Variants in FKBP5 observed in about 807,000 individuals in gnomAD.
The protein encoded by FKBP5 is peptidyl-prolyl cis-trans isomerase FKBP5.
Under a neutral mutation model 50.5 loss-of-function variants are expected in FKBP5, and 23 were observed. The ratio of observed to expected loss-of-function variants is 0.46; its 90% CI spans 0.33 to 0.65. The LOEUF (loss-of-function observed/expected upper bound fraction) is 0.65. Ranked by LOEUF, FKBP5 falls within the 30% of genes least tolerant of loss-of-function variation. The pLI is 0.02. For synonymous variants in FKBP5, 176 were observed against 190.6 expected (o/e 0.92, Z 0.63); for missense variants, 411 against 553.1 (o/e 0.74, Z 2.58).
Position 35,575,942 on chromosome 6 carries a change from C to T in FKBP5, c.1267G>A (p.Glu423Lys), listed in dbSNP as rs201040791. ...FKKFAEQDAKEEANKAMGKKT... is the reference protein window; with the variant it reads ...FKKFAEQDAKKEANKAMGKKT... Reference sequence around the variant, plus strand: ...TTGCCCATTGCTTTATTGGCCTCTTCCTAAGGAAGAAATAAGCAATCAAGA... The same window carrying T: ...TTGCCCATTGCTTTATTGGCCTCTTTCTAAGGAAGAAATAAGCAATCAAGA... Residue 423 changes from glutamate (E) to lysine (K), a missense_variant and splice_region_variant, in exon 11 of 11, where the codon GAA (glutamate) becomes AAA (lysine). By Grantham distance (56) the Glu-to-Lys change is moderately conservative. Transcript: ENST00000357266. 45 of 1,596,246 alleles carry T rather than the reference C, an allele frequency of 2.8e-5. No homozygotes were observed. In the Admixed American group the frequency reaches 6.7e-4, roughly 24 times the overall value.
At chr6:35,656,342 G>C (rs553562623) in intron 1 of FKBP5, among the ~76,000 whole-genome samples, 114 of 152,278 alleles carry the variant, frequency 7.5e-4, no homozygotes, top group African/African-American at 2.5e-3. Context: ...TCGGGGGTTA[G>C]ACTAGAATCA....
chr6:35,615,248 T>C (rs1338708663), intron 5 of FKBP5, among the ~76,000 whole-genome samples: 5 of 152,076 alleles, frequency 3.3e-5, no homozygotes, highest in Non-Finnish European at 7.4e-5. Flanking sequence ...ATATATTCTC[T>C]ATCTCTCTGT....
intron 1 of FKBP5, among the ~76,000 whole-genome samples, chr6:35,655,725 T>C (rs531278266): frequency 2.4e-4 from 37 of 152,342 alleles, no homozygotes; most frequent in African/African-American, 7.5e-4. Context: ...GCTAAGTATA[T>C]TCCTTCTCTA....
At chr6:35,710,477 AG>A (rs1016657500) in intron 2 of FKBP5, among the ~76,000 whole-genome samples, 3 of 152,028 alleles carry the variant, frequency 2.0e-5, no homozygotes, top group African/African-American at 4.8e-5. Context: ...AAAAAAAAAA[AG>A]GTGTGAAAAA....
chr6:35,643,088 T>C (rs576760602), intron 1 of FKBP5, among the ~76,000 whole-genome samples: 1 of 152,280 alleles, frequency 6.6e-6, no homozygotes, highest in South Asian at 2.1e-4. Flanking sequence ...ACAGTACAAG[T>C]CAAGTTGGGT....
At chr6:35,653,892 G>A (rs1581855820) in intron 1 of FKBP5, among the ~76,000 whole-genome samples, 1 of 151,666 alleles carries the variant, frequency 6.6e-6, no homozygotes, top group East Asian at 1.9e-4. Flanking sequence ...GATGGATAGT[G>A]GAAGAAATCA....
intron 1 of FKBP5, among the ~76,000 whole-genome samples, chr6:35,675,246 C>T (rs539316520): frequency 2.0e-5 from 3 of 152,330 alleles, no homozygotes; most frequent in South Asian, 2.1e-4. Context: ...AAGTCTTACA[C>T]GAGTCTATAC....
chr6:35,583,246 A>G (rs1224702770), intron 8 of FKBP5: 1 of 985,262 alleles, frequency 1.0e-6, no homozygotes, highest in East Asian at 1.1e-4. Flanking sequence ...TCCCTCTCTA[A>G]TGCATTGATT....
intron 1 of FKBP5, among the ~76,000 whole-genome samples, chr6:35,653,493 T>A (rs1764869124): frequency 6.6e-6 from 1 of 152,234 alleles, no homozygotes; most frequent in Admixed American, 6.5e-5. Flanking sequence ...TTAATGGAGT[T>A]ATCTTGAGAA....
chr6:35,580,952 C>A, intron 8 of FKBP5: 2 of 985,348 alleles, frequency 2.0e-6, no homozygotes, highest in Non-Finnish European at 2.4e-6. Context: ...TACATTCTGG[C>A]AAGTGCTAGT....
intron 2 of FKBP5, among the ~76,000 whole-genome samples, chr6:35,702,654 G>A (rs931436629): frequency 4.0e-5 from 6 of 151,754 alleles, no homozygotes; most frequent in African/African-American, 9.7e-5. Context: ...AGGTTTCACC[G>A]TGTTAGCCAG....
At chr6:35,604,165 G>A (rs769183993) in intron 5 of FKBP5, among the ~76,000 whole-genome samples, 61 of 149,776 alleles carry the variant, frequency 4.1e-4, no homozygotes, top group Non-Finnish European at 6.9e-4. Flanking sequence ...ACACCACCAC[G>A]CCTGGCTATT....
intron 1 of FKBP5, among the ~76,000 whole-genome samples, chr6:35,651,176 A>T (rs1361446076): frequency 6.6e-6 from 1 of 152,198 alleles, no homozygotes; most frequent in Non-Finnish European, 1.5e-5. Context: ...AAGATAACTT[A>T]CCAAACTGCT....
chr6:35,664,142 A>C (rs1016378998), intron 1 of FKBP5, among the ~76,000 whole-genome samples: 1 of 152,244 alleles, frequency 6.6e-6, no homozygotes, highest in Non-Finnish European at 1.5e-5. Context: ...AAGCCAGCAA[A>C]AATTCTGAAT....
chr6:35,672,056 G>A (rs1411536954), intron 1 of FKBP5, among the ~76,000 whole-genome samples: 2 of 152,068 alleles, frequency 1.3e-5, no homozygotes, highest in Non-Finnish European at 2.9e-5. Flanking sequence ...TTTTAGTAGA[G>A]ACTGGGTTTC....
At chr6:35,707,633 T>A (rs1442800484) in intron 2 of FKBP5, among the ~76,000 whole-genome samples, 2 of 151,970 alleles carry the variant, frequency 1.3e-5, no homozygotes, top group African/African-American at 4.8e-5. Context: ...GTTGTACAGG[T>A]TATTTTGTCA....
chr6:35,603,183 C>T (rs1460338573), intron 5 of FKBP5, among the ~76,000 whole-genome samples: 1 of 152,158 alleles, frequency 6.6e-6, no homozygotes, highest in Admixed American at 6.5e-5. Flanking sequence ...GTCAGGGTGT[C>T]TATCATGTGA....
At chr6:35,685,066 A>C (rs34110646) in intron 1 of FKBP5, among the ~76,000 whole-genome samples, 4,021 of 152,244 alleles carry the variant, frequency 0.026, 89 homozygotes, top group Non-Finnish European at 0.041. Flanking sequence ...GACTCAAAAA[A>C]AAAAAGACTA....
At chr6:35,640,785 A>G (rs1764463510) in intron 2 of FKBP5, among the ~76,000 whole-genome samples, 1 of 151,748 alleles carries the variant, frequency 6.6e-6, no homozygotes, top group African/African-American at 2.4e-5. Context: ...TTTTTTGTTT[A>G]AAACTAAGAC....
Sources: gnomAD v4.1 joint callset for allele counts (sites outside exome capture counted in the v4.1 genomes callset) on GRCh38, gnomAD v4.1.1 for gene constraint, MANE v1.5 for transcripts, NCBI Gene and HGNC (gene_info 2026-07-23, HGNC 2026-07-21) for gene names.